TBC1D5: variants seen among roughly 807,000 people sequenced by gnomAD.
TBC1D5 encodes the protein TBC1 domain family member 5.
A neutral mutation model predicts 100.3 loss-of-function variants in TBC1D5; 75 were observed. The ratio of observed to expected loss-of-function variants is 0.75; its 90% CI spans 0.62 to 0.91. TBC1D5 has a LOEUF of 0.91. Ranked by LOEUF, TBC1D5 falls within the 40% of genes least tolerant of loss-of-function variation. The probability of loss-of-function intolerance (pLI) is 0.00; values close to 1 mark genes in which losing one functional copy is unlikely to be tolerated. For synonymous variants in TBC1D5, 323 were observed against 325.6 expected, an observed-to-expected ratio of 0.99 and a Z score of 0.09; for missense variants, 910 against 942.4, an observed-to-expected ratio of 0.97 and a Z score of 0.45.
intron 2 of TBC1D5, among the ~76,000 whole-genome samples, chr3:17,535,265 A>C (rs980861394): frequency 6.6e-6 from 1 of 152,208 alleles, no homozygotes; most frequent in South Asian, 2.1e-4. Context: ...CCATTCACAA[A>C]GCTATCTCCC....
At chr3:17,485,261 T>C (rs2095548247) in intron 3 of TBC1D5, among the ~76,000 whole-genome samples, 1 of 151,886 alleles carries the variant, frequency 6.6e-6, no homozygotes, top group Non-Finnish European at 1.5e-5. Flanking sequence ...ATTCAATTAC[T>C]TTTAAAGATA....
At chr3:17,274,862 A>G (rs1277790448) in intron 15 of TBC1D5, among the ~76,000 whole-genome samples, 1 of 152,212 alleles carries the variant, frequency 6.6e-6, no homozygotes, top group Non-Finnish European at 1.5e-5. Flanking sequence ...TAACAGGATG[A>G]TGGACAGACT....
chr3:17,709,030 G>C (rs759958393), intron 1 of TBC1D5, among the ~76,000 whole-genome samples: 34 of 152,084 alleles, frequency 2.2e-4, no homozygotes, highest in Non-Finnish European at 4.6e-4. Context: ...CCTTTGTTCT[G>C]TTAGGCCCTT....
chr3:17,727,967 A>G (rs924176520), intron 1 of TBC1D5, among the ~76,000 whole-genome samples: 9 of 152,226 alleles, frequency 5.9e-5, no homozygotes, highest in African/African-American at 2.2e-4. Context: ...CTAAGAACAT[A>G]ACAATATTTT....
chr3:17,406,838 A>G (rs1469844817), intron 4 of TBC1D5: 1 of 230,032 alleles, frequency 4.3e-6, no homozygotes, highest in African/African-American at 2.3e-5. Context: ...TGAATAATAT[A>G]TGACTCTTTT....
intron 3 of TBC1D5, among the ~76,000 whole-genome samples, chr3:17,454,811 T>TA (rs1197326329): frequency 2.0e-5 from 3 of 151,738 alleles, no homozygotes; most frequent in Non-Finnish European, 4.4e-5. Flanking sequence ...TCAAATAGAA[T>TA]AAAAAAAGTA....
chr3:17,469,717 C>T (rs1048888346), intron 3 of TBC1D5, among the ~76,000 whole-genome samples: 3 of 152,216 alleles, frequency 2.0e-5, no homozygotes, highest in African/African-American at 4.8e-5. Flanking sequence ...TAATTCCCTG[C>T]TGTTTTATGC....
chr3:17,413,575 G>A lies in TBC1D5; in HGVS notation c.168-7049C>T, dbSNP rs183789524. Among the ~76,000 whole-genome samples, 163 of 152,118 alleles carry A rather than the reference G, an allele frequency of 1.1e-3. 1 individual carries two copies. Among genetic ancestry groups the A allele is most frequent in the Non-Finnish European group, 2.1e-3 (145 of 67,968 alleles). On this transcript the variant is annotated intron_variant, in intron 4 of 21. Transcript: ENST00000253692. ...TTCCCAAGATATGCTCATAACATTG[G>A]TGTGAAACTAGTACCTTCTAAATTT... is the stretch of plus-strand genomic sequence containing the variant.
chr3:17,303,379 C>T (rs1372824056), intron 14 of TBC1D5, among the ~76,000 whole-genome samples: 1 of 152,216 alleles, frequency 6.6e-6, no homozygotes, highest in African/African-American at 2.4e-5. Flanking sequence ...GAATGGTTGA[C>T]TCTGAATAAT....
At chr3:17,300,115 G>A (rs1465605366) in intron 14 of TBC1D5, among the ~76,000 whole-genome samples, 1 of 152,096 alleles carries the variant, frequency 6.6e-6, no homozygotes, top group African/African-American at 2.4e-5. Flanking sequence ...AACATGAGGA[G>A]ACTGTTAAAC....
Position 17,238,438 on chromosome 3 carries a change from G to A in TBC1D5, c.1332-19C>T. ...ATTGGTCCTGTTAAAAAAAGAAATG[G>A]AGAAGCATTATTTACATTAGAGGAT... On this transcript the variant is annotated intron_variant, in intron 16 of 21. Transcript: ENST00000253692. 1 of 1,600,320 alleles carries A rather than the reference G, an allele frequency of 6.2e-7. No individual in the cohort carries two copies. The highest frequency in any genetic ancestry group is 1.7e-4 in the Middle Eastern group (1 of 5,986).
intron 1 of TBC1D5, among the ~76,000 whole-genome samples, chr3:17,708,986 G>T (rs1192867731): frequency 1.3e-5 from 2 of 152,160 alleles, no homozygotes; most frequent in African/African-American, 4.8e-5. Context: ...CTTAAACGAG[G>T]TAAATTACCT....
At chr3:17,331,945 A>G (rs1435265441) in intron 13 of TBC1D5, among the ~76,000 whole-genome samples, 2 of 152,246 alleles carry the variant, frequency 1.3e-5, no homozygotes, top group Non-Finnish European at 2.9e-5. Context: ...AGGGCCTTAT[A>G]GGCCATAGCA....
chr3:17,619,703 G>A (rs903112227), intron 2 of TBC1D5, among the ~76,000 whole-genome samples: 2 of 152,130 alleles, frequency 1.3e-5, no homozygotes, highest in East Asian at 1.9e-4. Context: ...AAAAGAAAAC[G>A]CTTTCTCAAT....
Position 17,691,765 on chromosome 3 carries a change from C to A in TBC1D5, c.-101+47578G>T, listed in dbSNP as rs962087015. Among the ~76,000 whole-genome samples the A allele has an allele frequency of 2.7e-5, 4 of 150,562 alleles. No individual in the cohort carries two copies. In the East Asian group the frequency reaches 7.8e-4, roughly 29 times the overall value. The stretch of plus-strand genomic sequence containing the variant: ...CCGTGAGGCGGAGGTTGCAGTGAGC[C>A]GAGATCGAGCCACTGCACTCCAGCC... On this transcript the variant is annotated intron_variant, in intron 1 of 21. Transcript: ENST00000253692.
intron 13 of TBC1D5, among the ~76,000 whole-genome samples, chr3:17,334,148 G>A (rs912180033): frequency 7.2e-5 from 11 of 152,014 alleles, no homozygotes; most frequent in African/African-American, 2.4e-4. Flanking sequence ...TTGAGGTGGT[G>A]TGGTCGCTGG....
chr3:17,626,634 G>A (rs2063085138), intron 1 of TBC1D5, among the ~76,000 whole-genome samples: 1 of 152,150 alleles, frequency 6.6e-6, no homozygotes, highest in Admixed American at 6.6e-5. Flanking sequence ...ATTGCAGAAA[G>A]ACTTCACAGA....
At chr3:17,370,778 C>CTGGG (rs748612072) in intron 13 of TBC1D5, among the ~76,000 whole-genome samples, 2 of 152,110 alleles carry the variant, frequency 1.3e-5, no homozygotes, top group Admixed American at 6.6e-5. Context: ...AGACCCTGCT[C>CTGGG]TGGGTGACTT....
At chr3:17,451,549 T>C (rs2094927541) in intron 3 of TBC1D5, among the ~76,000 whole-genome samples, 1 of 152,198 alleles carries the variant, frequency 6.6e-6, no homozygotes, top group African/African-American at 2.4e-5. Flanking sequence ...TTTACACTGC[T>C]GGTGGGAGTA....
Sources: allele counts gnomAD v4.1 joint callset (sites outside exome capture counted in the v4.1 genomes callset), GRCh38; gene constraint gnomAD v4.1.1; transcripts MANE v1.5; gene names NCBI Gene and HGNC (gene_info 2026-07-23, HGNC 2026-07-21).